Variants in TANGO6 observed in about 807,000 individuals in gnomAD.
TANGO6 encodes the protein transport and golgi organization 6 homolog.
Under a neutral mutation model 114.2 loss-of-function variants are expected in TANGO6, and 90 were observed. That is an observed-to-expected ratio of 0.79 (90% confidence interval 0.66 to 0.94). The LOEUF is 0.94. Ranked by LOEUF, TANGO6 falls within the 40% of genes least tolerant of loss-of-function variation. The probability of loss-of-function intolerance (pLI) is 0.00; values close to 1 mark genes in which losing one functional copy is unlikely to be tolerated. For missense variants in TANGO6, 1,274 were observed against 1,315.3 expected (o/e 0.97, Z 0.49); for synonymous variants, 477 against 509.8 (o/e 0.94, Z 0.87).
intron 14 of TANGO6, among the ~76,000 whole-genome samples, chr16:68,930,580 A>G (rs1311026982): frequency 1.3e-5 from 2 of 151,744 alleles, no homozygotes; most frequent in African/African-American, 4.8e-5. Flanking sequence ...GAGGTAAAGA[A>G]TGACTCACAC....
intron 11 of TANGO6, among the ~76,000 whole-genome samples, chr16:68,917,073 C>T (rs1006055821): frequency 6.6e-6 from 1 of 152,152 alleles, no homozygotes; most frequent in African/African-American, 2.4e-5. Flanking sequence ...TCTGTTCTCC[C>T]TCTCTCCTCA....
intron 17 of TANGO6, among the ~76,000 whole-genome samples, chr16:69,043,465 G>C (rs972392858): frequency 6.6e-6 from 1 of 152,072 alleles, no homozygotes; most frequent in African/African-American, 2.4e-5. Flanking sequence ...GAAGATTTTT[G>C]TCACTTTCAA....
chr16:68,963,073 G>A (rs575997020), intron 14 of TANGO6, among the ~76,000 whole-genome samples: 9 of 143,048 alleles, frequency 6.3e-5, no homozygotes, highest in East Asian at 6.1e-4. Context: ...CAGCCTGGGC[G>A]ACAGCAAGAC....
chr16:68,865,141 G>A (rs1962156579), intron 3 of TANGO6, among the ~76,000 whole-genome samples: 1 of 152,064 alleles, frequency 6.6e-6, no homozygotes, highest in Non-Finnish European at 1.5e-5. Context: ...GCCGGGCGTG[G>A]TGGTGTGAGC....
chr16:68,963,091 CA>C (rs567582629), intron 14 of TANGO6, among the ~76,000 whole-genome samples: 200 of 76,910 alleles, frequency 2.6e-3, no homozygotes, highest in Middle Eastern at 0.017. Context: ...GACTCCGTCT[CA>C]AAAAAAAAAA....
rs1179628552 is a variant in TANGO6, at chr16:69,063,808, CTTATTATTATTA to C, written c.3109-19651_3109-19640del. Among the ~76,000 whole-genome samples the C allele has an allele frequency of 9.7e-3, 1,217 of 125,548 alleles. 24 individuals carry two copies. The highest frequency in any genetic ancestry group is 0.038 in the African/African-American group (1,149 of 30,620). 82.4% of individuals were successfully genotyped at this position (125,548 alleles called of 152,430 possible). On this transcript the variant is annotated intron_variant, in intron 17 of 17. Transcript: ENST00000261778. ...TCTTCTTCTTCTTCTTCTTCTTCTTCTTATTATTATTATTATTATTATTATTATTATTATTAT... is the reference window on the plus strand; with the variant it reads ...TCTTCTTCTTCTTCTTCTTCTTCTTCTTATTATTATTATTATTATTATTAT...
intron 15 of TANGO6, among the ~76,000 whole-genome samples, chr16:69,014,740 T>C (rs565404277): frequency 6.6e-6 from 1 of 151,244 alleles, no homozygotes; most frequent in African/African-American, 2.4e-5. Flanking sequence ...GTAAAAAAAA[T>C]TGTAACCAGC....
Position 69,083,533 on chromosome 16 carries a change from G to T in TANGO6, c.3157G>T (p.Val1053Leu), listed in dbSNP as rs752841129. The T allele has an allele frequency of 6.2e-7, 1 of 1,612,570 alleles. No homozygotes were observed. The highest frequency in any genetic ancestry group is 8.5e-7 in the Non-Finnish European group (1 of 1,179,334). The change falls in exon 18 of 18, where the codon GTG becomes TTG. Residue 1053 changes from valine (V) to leucine (L), a missense_variant. By Grantham distance (32) the Val-to-Leu change is conservative. Transcript: ENST00000261778. ...KDLYHLLKHV[V>L]CLEPDDVAKL... is the part of the protein sequence containing the mutation. ...TCTCTACCACCTGCTGAAGCACGTA[G>T]TGTGTCTGGAGCCCGATGACGTGGC...
In TANGO6 at chr16:69,083,677, C is replaced by T. The variant is rs753770501; in HGVS notation, c.*16C>T. 29 of 1,550,176 alleles carry T rather than the reference C, an allele frequency of 1.9e-5. No individual in the cohort carries two copies. Among genetic ancestry groups the T allele is most frequent in the South Asian group, 1.7e-4 (14 of 83,684 alleles). ...CCTGCCGTAGACCTGGCTCCAAGGA[C>T]GTGGAGGAGGCAGGCAGGGCCAGGC... On this transcript the variant is annotated 3_prime_UTR_variant, in exon 18 of 18. Transcript: ENST00000261778.
chr16:68,866,268 A>G (rs1322195411), intron 3 of TANGO6, among the ~76,000 whole-genome samples: 1 of 151,784 alleles, frequency 6.6e-6, no homozygotes, highest in Non-Finnish European at 1.5e-5. Flanking sequence ...TAAGGAAAAA[A>G]TGTTGCTCTT....
chr16:68,905,947 G>C (rs140689646), intron 9 of TANGO6, among the ~76,000 whole-genome samples: 1 of 152,138 alleles, frequency 6.6e-6, no homozygotes, highest in African/African-American at 2.4e-5. Context: ...TTGGGAGGCC[G>C]AGGTGGGCAG....
chr16:68,895,010 C>G (rs1173607771), intron 7 of TANGO6, among the ~76,000 whole-genome samples: 2 of 152,138 alleles, frequency 1.3e-5, no homozygotes, highest in Non-Finnish European at 2.9e-5. Context: ...TGTGTCTTTG[C>G]TCAACTGACT....
intron 17 of TANGO6, among the ~76,000 whole-genome samples, chr16:69,056,191 C>G (rs1285623218): frequency 6.6e-6 from 1 of 152,214 alleles, no homozygotes; most frequent in Non-Finnish European, 1.5e-5. Flanking sequence ...TATTCCCTTT[C>G]TGCCTCTTCT....
chr16:68,887,663 G>A (rs1297354731), intron 7 of TANGO6, among the ~76,000 whole-genome samples: 4 of 152,128 alleles, frequency 2.6e-5, no homozygotes, highest in Non-Finnish European at 5.9e-5. Context: ...AATCACTTGA[G>A]GTCAGGAGGT....
At chr16:69,026,736 A>T (rs1470167410) in intron 16 of TANGO6, 2 of 152,818 alleles carry the variant, frequency 1.3e-5, no homozygotes, top group Non-Finnish European at 2.9e-5. Context: ...TTTGTGGTGG[A>T]GTCTTGCTCT....
At chr16:68,975,261 T>C (rs1177607722) in intron 15 of TANGO6, among the ~76,000 whole-genome samples, 1 of 152,180 alleles carries the variant, frequency 6.6e-6, no homozygotes, top group Non-Finnish European at 1.5e-5. Flanking sequence ...AGCTGGTAAG[T>C]GATAGTGCTG....
At position 68,886,883 on chromosome 16, in the gene TANGO6, C is replaced by T. The variant is rs1406064508; in HGVS notation, c.1377+6253C>T. Among the ~76,000 whole-genome samples, 3 of 152,080 alleles carry T rather than the reference C, an allele frequency of 2.0e-5. No individual in the cohort carries two copies. In the East Asian group the frequency reaches 5.8e-4, roughly 29 times the overall value. On this transcript the variant is annotated intron_variant, in intron 7 of 17. Coordinates refer to ENST00000261778, the MANE Select transcript of TANGO6 (RefSeq NM_024562.2). ...AGTGCAGTTGTGCGATCTCAGCTTA[C>T]TGCAACCTCTGCCTCCAAGGTTCAA...
At chr16:68,939,401 A>G (rs1963329741) in intron 14 of TANGO6, among the ~76,000 whole-genome samples, 1 of 152,084 alleles carries the variant, frequency 6.6e-6, no homozygotes, top group East Asian at 1.9e-4. Flanking sequence ...AAAAACAAAA[A>G]CAAAAACCAT....
At chr16:68,951,337 G>C (rs527667443) in intron 14 of TANGO6, among the ~76,000 whole-genome samples, 14 of 151,272 alleles carry the variant, frequency 9.3e-5, no homozygotes, top group African/African-American at 2.4e-4. Flanking sequence ...AAGGCAGGGT[G>C]GGGGGGTTGG....
Sources: allele counts gnomAD v4.1 joint callset (sites outside exome capture counted in the v4.1 genomes callset), GRCh38; gene constraint gnomAD v4.1.1; transcripts MANE v1.5; gene names NCBI Gene and HGNC (gene_info 2026-07-23, HGNC 2026-07-21).